The following RGS7BP variants were observed in gnomAD, a reference collection of about 807,000 sequenced individuals.
RGS7BP encodes the protein regulator of G protein signaling 7 binding protein, also known as regulator of G protein signaling 7-binding protein.
In RGS7BP, 9 loss-of-function variants were observed where a neutral mutation model predicts 31.3. The observed-to-expected ratio is 0.29, with a 90% CI of 0.17 to 0.50. RGS7BP has a LOEUF of 0.50. RGS7BP is among the 20% of genes least tolerant of loss of function. The pLI, the probability that RGS7BP is intolerant of heterozygous loss-of-function variation, is 0.98. For synonymous variants in RGS7BP, 115 were observed against 120.1 expected, an observed-to-expected ratio of 0.96 and a Z score of 0.28; for missense variants, 274 against 322.0, an observed-to-expected ratio of 0.85 and a Z score of 1.14.
chr5:64,555,844 G>C (rs1023879289), intron 2 of RGS7BP, among the ~76,000 whole-genome samples: 25 of 152,098 alleles, frequency 1.6e-4, no homozygotes, highest in African/African-American at 5.6e-4. Flanking sequence ...CACAATGCTA[G>C]AAACATTGAA....
At chr5:64,528,978 G>A (rs1177686692) in intron 2 of RGS7BP, among the ~76,000 whole-genome samples, 1 of 151,952 alleles carries the variant, frequency 6.6e-6, no homozygotes, top group Non-Finnish European at 1.5e-5. Flanking sequence ...TTATTACAAC[G>A]TATTCCAATA....
intron 2 of RGS7BP, among the ~76,000 whole-genome samples, chr5:64,563,539 C>T (rs1742100901): frequency 6.6e-6 from 1 of 152,014 alleles, no homozygotes. Context: ...TAGGATGATG[C>T]TTTTATAAGC....
At chr5:64,517,017 A>G (rs1023948254) in intron 2 of RGS7BP, among the ~76,000 whole-genome samples, 26 of 123,642 alleles carry the variant, frequency 2.1e-4, no homozygotes, top group African/African-American at 9.5e-4. Flanking sequence ...TCTCGCCCAG[A>G]AAAAAAAAAA....
chr5:64,543,709 G>T (rs1398065075), intron 2 of RGS7BP, among the ~76,000 whole-genome samples: 1 of 152,228 alleles, frequency 6.6e-6, no homozygotes. Flanking sequence ...CAGGTTGTAG[G>T]AGCTGCATAA....
chr5:64,596,265 G>A (rs1423401441), intron 4 of RGS7BP, among the ~76,000 whole-genome samples: 1 of 152,202 alleles, frequency 6.6e-6, no homozygotes, highest in Non-Finnish European at 1.5e-5. Context: ...ATGGAGGTGG[G>A]CACAGTGGAC....
chr5:64,533,151 T>A (rs955128797), intron 2 of RGS7BP, among the ~76,000 whole-genome samples: 3 of 152,198 alleles, frequency 2.0e-5, no homozygotes, highest in Non-Finnish European at 4.4e-5. Flanking sequence ...ACCTAGGTAG[T>A]CCCTTCATTT....
Position 64,507,847 on chromosome 5 carries a change from A to G in RGS7BP, c.302A>G (p.Gln101Arg). 1 of 1,613,690 alleles carries G rather than the reference A, an allele frequency of 6.2e-7. No homozygotes were observed. Among genetic ancestry groups the G allele is most frequent in the Non-Finnish European group, 8.5e-7 (1 of 1,179,874 alleles). Residue 101 changes from glutamine (Q) to arginine (R), a missense_variant, in exon 2 of 6, where the codon CAG becomes CGG. Coordinates refer to ENST00000334025, the MANE Select transcript of RGS7BP (RefSeq NM_001029875.3). ...TRTKGCEMAR[Q>R]AHQKLAAISG... ...ACCAAAGGCTGTGAAATGGCCCGTC[A>G]GGCACACCAAAAATTGGCTGCCATC...
intron 2 of RGS7BP, among the ~76,000 whole-genome samples, chr5:64,557,229 G>A (rs1741949268): frequency 6.6e-6 from 1 of 152,190 alleles, no homozygotes; most frequent in Admixed American, 6.5e-5. Context: ...AGCACTAGCA[G>A]CCAGCATGTG....
At chr5:64,516,678 G>A (rs1027998581) in intron 2 of RGS7BP, among the ~76,000 whole-genome samples, 3 of 152,178 alleles carry the variant, frequency 2.0e-5, no homozygotes, top group African/African-American at 7.2e-5. Flanking sequence ...CAAAACCTCT[G>A]GGGAGGTAAG....
intron 2 of RGS7BP, among the ~76,000 whole-genome samples, chr5:64,561,476 T>C (rs1742054968): frequency 6.6e-6 from 1 of 152,112 alleles, no homozygotes; most frequent in African/African-American, 2.4e-5. Context: ...ACTCTTTCGA[T>C]GACCTTCAGC....
At chr5:64,566,685 A>G (rs1742177572) in intron 2 of RGS7BP, among the ~76,000 whole-genome samples, 1 of 152,038 alleles carries the variant, frequency 6.6e-6, no homozygotes, top group Non-Finnish European at 1.5e-5. Context: ...ACATGCTCTC[A>G]GTAGGGGAAA....
Position 64,610,887 on chromosome 5 carries a change from C to T in RGS7BP, c.*1635C>T, listed in dbSNP as rs1292848175. 3 of 151,776 alleles carry T rather than the reference C, an allele frequency of 2.0e-5. No individual in the cohort carries two copies. The highest frequency in any genetic ancestry group is 4.4e-5 in the Non-Finnish European group (3 of 67,880). The allele number at this position is 151,776 out of a possible 1,614,324, so 9.4% of individuals were successfully genotyped here. A position where few individuals can be genotyped will look rare whatever the true frequency, so the allele number is the denominator to read the frequency against. The stretch of plus-strand genomic sequence containing the variant: ...AAAGAATTAAAGGGTTGGAAGAGAA[C>T]GTTATACAGGTCTCTATTTAGATCA... On this transcript the variant is annotated 3_prime_UTR_variant, in exon 6 of 6. Transcript: ENST00000334025.
chr5:64,565,833 A>C (rs1742156282), intron 2 of RGS7BP, among the ~76,000 whole-genome samples: 1 of 152,150 alleles, frequency 6.6e-6, no homozygotes, highest in Admixed American at 6.6e-5. Flanking sequence ...TGCATAAAGC[A>C]TGGGCCTTTT....
intron 5 of RGS7BP, among the ~76,000 whole-genome samples, chr5:64,608,383 A>G (rs1239942555): frequency 2.6e-5 from 4 of 151,984 alleles, no homozygotes; most frequent in Admixed American, 2.0e-4. Context: ...AAAAATTTCA[A>G]ACCAAAACTT....
At chr5:64,562,534 T>C (rs1742078842) in intron 2 of RGS7BP, among the ~76,000 whole-genome samples, 1 of 152,250 alleles carries the variant, frequency 6.6e-6, no homozygotes, top group East Asian at 1.9e-4. Context: ...GGAGCATTTA[T>C]GCTTCATGTG....
chr5:64,604,058 G>A (rs866253966), intron 5 of RGS7BP, among the ~76,000 whole-genome samples: 5 of 152,188 alleles, frequency 3.3e-5, no homozygotes, highest in South Asian at 2.1e-4. Flanking sequence ...TACAGGCATC[G>A]TTAGGGAATT....
At chr5:64,526,587 A>G (rs937646396) in intron 2 of RGS7BP, among the ~76,000 whole-genome samples, 1 of 152,118 alleles carries the variant, frequency 6.6e-6, no homozygotes, top group African/African-American at 2.4e-5. Context: ...CTTCCCTGCA[A>G]CCAAAAAGGC....
rs1258016190 is a variant in RGS7BP at position 64,594,694 on chromosome 5, A to ACCCT, written c.464-7_464-4dup. 1 of 1,612,886 alleles carries ACCCT rather than the reference A, an allele frequency of 6.2e-7. No homozygotes were observed. Among genetic ancestry groups the ACCCT allele is most frequent in the Non-Finnish European group, 8.5e-7 (1 of 1,179,378 alleles). The stretch of plus-strand genomic sequence containing the variant: ...TCTTTTTCCTCTTCTCTTTACCAAC[A>ACCCT]CCCTCCCTCCCTTAGGAAAGGAACC... On this transcript the variant is annotated splice_polypyrimidine_tract_variant and intron_variant, in intron 3 of 5. Coordinates refer to ENST00000334025, the MANE Select transcript of RGS7BP (RefSeq NM_001029875.3).
At chr5:64,600,302 A>T (rs192718340) in intron 5 of RGS7BP, among the ~76,000 whole-genome samples, 1 of 152,314 alleles carries the variant, frequency 6.6e-6, no homozygotes, top group African/African-American at 2.4e-5. Flanking sequence ...CACGTCACCT[A>T]TATTTTAAGC....
Sources: gnomAD v4.1 joint callset for allele counts (sites outside exome capture counted in the v4.1 genomes callset) on GRCh38, gnomAD v4.1.1 for gene constraint, MANE v1.5 for transcripts, NCBI Gene and HGNC (gene_info 2026-07-23, HGNC 2026-07-21) for gene names.